ESRRG: variants seen among roughly 807,000 people sequenced by gnomAD.
ESRRG encodes the protein estrogen-related receptor gamma.
A neutral mutation model predicts 44.0 loss-of-function variants in ESRRG; 13 were observed. The observed-to-expected ratio is 0.30, with a 90% CI of 0.19 to 0.47. ESRRG has a LOEUF of 0.47. Among genes scored for constraint, ESRRG ranks in the 20% least tolerant of loss-of-function variants. The probability of loss-of-function intolerance (pLI) is 1.00; values close to 1 mark genes in which losing one functional copy is unlikely to be tolerated. For synonymous variants in ESRRG, 215 were observed against 214.6 expected (o/e 1.00, Z -0.02); for missense variants, 395 against 580.6 (o/e 0.68, Z 3.29).
At chr1:216,885,824 C>G (rs1214055823) in intron 2 of ESRRG, among the ~76,000 whole-genome samples, 1 of 151,868 alleles carries the variant, frequency 6.6e-6, no homozygotes, top group Non-Finnish European at 1.5e-5. Context: ...CTCCATGTGG[C>G]CCTCCTCCCT....
intron 3 of ESRRG, among the ~76,000 whole-genome samples, chr1:216,584,002 T>C (rs543415451): frequency 6.6e-6 from 1 of 152,266 alleles, no homozygotes; most frequent in Non-Finnish European, 1.5e-5. Flanking sequence ...CAAGATGAGA[T>C]CTGGATGGGG....
chr1:216,655,650 T>C (rs2070304277), intron 2 of ESRRG, among the ~76,000 whole-genome samples: 1 of 152,212 alleles, frequency 6.6e-6, no homozygotes, highest in Admixed American at 6.5e-5. Context: ...ACAAATATTT[T>C]CTTTCAATAA....
intron 1 of ESRRG, among the ~76,000 whole-genome samples, chr1:217,106,394 A>G (rs5011047): frequency 0.13 from 13,665 of 108,474 alleles, 732 homozygotes; most frequent in East Asian, 0.3. Flanking sequence ...TCACATATGC[A>G]CACACACACA....
chr1:216,941,739 T>C (rs757491554), intron 1 of ESRRG, among the ~76,000 whole-genome samples: 21 of 152,118 alleles, frequency 1.4e-4, no homozygotes, highest in Non-Finnish European at 2.4e-4. Flanking sequence ...TTCAATACTA[T>C]AGGTAATTTA....
At chr1:216,801,047 G>A (rs1275141300) in intron 2 of ESRRG, among the ~76,000 whole-genome samples, 1 of 152,008 alleles carries the variant, frequency 6.6e-6, no homozygotes, top group Non-Finnish European at 1.5e-5. Flanking sequence ...ATAGTGAAAT[G>A]GTTACCATAA....
chr1:217,000,978 G>A (rs968047626), intron 1 of ESRRG, among the ~76,000 whole-genome samples: 10 of 152,220 alleles, frequency 6.6e-5, no homozygotes, highest in Admixed American at 5.2e-4. Flanking sequence ...TGGCCTCAAT[G>A]AGATACATCT....
At position 216,915,376 on chromosome 1, in the gene ESRRG, A is replaced by G. The variant is rs534445588; in HGVS notation, c.-14+24206T>C. 2.6e-5 allele frequency among the ~76,000 whole-genome samples: 4 copies of G among 152,322 alleles called. No homozygotes were observed. In the East Asian group the frequency reaches 7.7e-4, roughly 29 times the overall value. ...GAGTCCAAATATGCCACCACAACCT[A>G]GGAAAAAACAACCTATGAGAAAAAC... On this transcript the variant is annotated intron_variant, in intron 2 of 7. Transcript: ENST00000359162.
intron 1 of ESRRG, among the ~76,000 whole-genome samples, chr1:216,947,175 A>G (rs1295622027): frequency 2.0e-5 from 3 of 152,136 alleles, no homozygotes; most frequent in Non-Finnish European, 4.4e-5. Context: ...TTCCAAGAGA[A>G]AAATATAAAT....
At chr1:216,801,402 T>A (rs937594723) in intron 2 of ESRRG, among the ~76,000 whole-genome samples, 6 of 152,136 alleles carry the variant, frequency 3.9e-5, no homozygotes, top group African/African-American at 1.4e-4. Flanking sequence ...GACCTACTAC[T>A]ACCTACCCCA....
chr1:216,520,889 T>A (rs1361519034), intron 5 of ESRRG, among the ~76,000 whole-genome samples: 1 of 152,180 alleles, frequency 6.6e-6, no homozygotes, highest in South Asian at 2.1e-4. Flanking sequence ...TTCAATCATA[T>A]CAAATTGTGG....
chr1:216,896,171 G>A (rs3795704), intron 2 of ESRRG, among the ~76,000 whole-genome samples: 10,778 of 152,122 alleles, frequency 0.071, 531 homozygotes, highest in East Asian at 0.11. Flanking sequence ...TAAAATTTTA[G>A]CAGATCGATG....
intron 1 of ESRRG, among the ~76,000 whole-genome samples, chr1:216,942,673 G>A (rs900349728): frequency 6.6e-6 from 1 of 152,074 alleles, no homozygotes; most frequent in Admixed American, 6.6e-5. Flanking sequence ...GTGATGTTGA[G>A]CATTTTTTCA....
chr1:216,751,971 C>T (rs376176388), intron 2 of ESRRG, among the ~76,000 whole-genome samples: 28 of 152,182 alleles, frequency 1.8e-4, no homozygotes, highest in African/African-American at 6.7e-4. Flanking sequence ...ATGGGCTCTG[C>T]CATCTGGTCG....
At chr1:216,680,559 A>T (rs1408606421) in intron 1 of ESRRG, among the ~76,000 whole-genome samples, 3 of 152,224 alleles carry the variant, frequency 2.0e-5, no homozygotes, top group Admixed American at 2.0e-4. Flanking sequence ...TGAAGGGGCC[A>T]CTGCGCTGGT....
chr1:216,862,806 T>A (rs2096074873), intron 2 of ESRRG: 2 of 152,160 alleles, frequency 1.3e-5, no homozygotes, highest in African/African-American at 4.8e-5. Flanking sequence ...TGGGGTGAGA[T>A]CCCCGTTTAT....
At chr1:216,523,490 G>GTTTTTTTTTT (rs749747909) in intron 5 of ESRRG, among the ~76,000 whole-genome samples, 2 of 126,328 alleles carry the variant, frequency 1.6e-5, no homozygotes. Flanking sequence ...ATCAAGCACT[G>GTTTTTTTTTT]TTTTTTTTTT....
Position 216,692,307 on chromosome 1 carries a change from AGTGTAT to A in ESRRG, c.57-14822_57-14817del, listed in dbSNP as rs1480189112. ...TCCTGACCCTGTGTAGGCCTAGGCT[AGTGTAT>A]GTGTGTGTGTGTGTGTGTGTGTGTG... On this transcript the variant is annotated intron_variant, in intron 1 of 6. Coordinates refer to ENST00000408911, the MANE Select transcript of ESRRG (RefSeq NM_001438.4). 6.5e-3 allele frequency among the ~76,000 whole-genome samples: 321 copies of A among 49,318 alleles called. 1 individual carries two copies. Among genetic ancestry groups the A allele is most frequent in the African/African-American group, 0.023 (298 of 12,762 alleles). The allele number at this position is 49,318 out of a possible 152,430, so 32.4% of individuals were successfully genotyped here. A position where few individuals can be genotyped will look rare whatever the true frequency, so the allele number is the denominator to read the frequency against.
At chr1:216,936,905 G>T (rs2149894105) in intron 2 of ESRRG, among the ~76,000 whole-genome samples, 1 of 152,082 alleles carries the variant, frequency 6.6e-6, no homozygotes, top group East Asian at 1.9e-4. Flanking sequence ...ATTGTTATTT[G>T]CTCAAATCTA....
Position 216,663,612 on chromosome 1 carries a change from T to A in ESRRG, c.473-12523A>T, listed in dbSNP as rs146572378. On this transcript the variant is annotated intron_variant, in intron 2 of 6. Coordinates refer to ENST00000408911, the MANE Select transcript of ESRRG (RefSeq NM_001438.4). ...TTTTGTTAAAAATAGATTAAAAAAA[T>A]TTTTCTCTTTCTATCATTCATCATA... Among the ~76,000 whole-genome samples, 259 of 148,934 alleles carry A rather than the reference T, an allele frequency of 1.7e-3. 1 individual carries two copies. Among genetic ancestry groups the A allele is most frequent in the Admixed American group, 3.6e-3 (53 of 14,726 alleles).
Sources: gnomAD v4.1 joint callset for allele counts (sites outside exome capture counted in the v4.1 genomes callset) on GRCh38, gnomAD v4.1.1 for gene constraint, MANE v1.5 for transcripts, NCBI Gene and HGNC (gene_info 2026-07-23, HGNC 2026-07-21) for gene names.